The following DPP6 variants were observed in gnomAD, a reference collection of about 807,000 sequenced individuals.
DPP6 encodes dipeptidyl peptidase like 6, also known as A-type potassium channel modulatory protein DPP6.
Under a neutral mutation model 122.6 loss-of-function variants are expected in DPP6, and 69 were observed. The observed-to-expected ratio is 0.56, with a 90% CI of 0.46 to 0.69. The LOEUF (loss-of-function observed/expected upper bound fraction) is 0.69. DPP6 is among the 30% of genes least tolerant of loss of function. The pLI is 0.00. For missense variants in DPP6, 928 were observed against 1,116.9 expected (o/e 0.83, Z 2.41); for synonymous variants, 418 against 433.1 (o/e 0.97, Z 0.43).
At chr7:153,767,559 A>C in the DPP6 span, among the ~76,000 whole-genome samples, 1 of 101,420 alleles carries the variant, frequency 9.9e-6, no homozygotes, top group African/African-American at 3.8e-5. Context: ...TTGTATTTTT[A>C]CTAGAGACAA....
intron 1 of DPP6, among the ~76,000 whole-genome samples, chr7:154,061,935 G>T (rs1347419669): frequency 7.7e-6 from 1 of 130,264 alleles, no homozygotes; most frequent in African/African-American, 2.9e-5. Context: ...CCCCATCGCA[G>T]GAGGGGGAGG....
chr7:154,379,369 G>A (rs1227095442), intron 1 of DPP6, among the ~76,000 whole-genome samples: 2 of 152,074 alleles, frequency 1.3e-5, no homozygotes, highest in African/African-American at 4.8e-5. Flanking sequence ...GTGGTGGGGG[G>A]CTGGGGGAGG....
intron 6 of DPP6, among the ~76,000 whole-genome samples, chr7:154,662,505 G>T (rs1398994535): frequency 2.6e-5 from 1 of 38,900 alleles, no homozygotes; most frequent in Admixed American, 2.8e-4. Flanking sequence ...TCACCATGGC[G>T]TATCGGCCGT....
chr7:154,179,350 G>A (rs1329552682), intron 1 of DPP6, among the ~76,000 whole-genome samples: 1 of 152,176 alleles, frequency 6.6e-6, no homozygotes, highest in East Asian at 1.9e-4. Flanking sequence ...TGCTTTAAGG[G>A]TTGAGTGAAT....
chr7:154,584,164 A>G (rs955029225), intron 5 of DPP6, among the ~76,000 whole-genome samples: 3 of 152,172 alleles, frequency 2.0e-5, no homozygotes, highest in Admixed American at 2.0e-4. Flanking sequence ...AGTGCCAATC[A>G]GGTAACTCAT....
At chr7:154,009,579 C>T (rs376467496) in intron 1 of DPP6, among the ~76,000 whole-genome samples, 1 of 152,094 alleles carries the variant, frequency 6.6e-6, no homozygotes, top group East Asian at 1.9e-4. Flanking sequence ...CACCATGAAA[C>T]TCATGATGTT....
intron 16 of DPP6, among the ~76,000 whole-genome samples, chr7:154,835,320 A>C (rs956009796): frequency 6.6e-6 from 1 of 152,136 alleles, no homozygotes; most frequent in Non-Finnish European, 1.5e-5. Flanking sequence ...GATGGCCCCC[A>C]CCAGAAGCTG....
rs191782003 is a variant in DPP6, at chr7:154,321,240, G to A, written c.244-124974G>A. 2.1e-3 allele frequency among the ~76,000 whole-genome samples: 315 copies of A among 151,330 alleles called. 7 individuals carry two copies. Among genetic ancestry groups the A allele is most frequent in the Non-Finnish European group, 3.7e-4 (25 of 67,912 alleles). ...TGCAGTGAGCTGTGATTGTGCCACT[G>A]TGCTCTAGCCTAGGTGACAGAGCCA... On this transcript the variant is annotated intron_variant, in intron 1 of 25. Coordinates refer to ENST00000377770, the MANE Select transcript of DPP6 (RefSeq NM_130797.4).
intron 5 of DPP6, among the ~76,000 whole-genome samples, chr7:154,571,070 C>T (rs1216835756): frequency 6.6e-6 from 1 of 152,098 alleles, no homozygotes; most frequent in Non-Finnish European, 1.5e-5. Flanking sequence ...TTATTTTATA[C>T]ATAAAATTTC....
intron 1 of DPP6, among the ~76,000 whole-genome samples, chr7:154,254,798 A>G (rs1171694599): frequency 1.3e-5 from 2 of 152,168 alleles, no homozygotes; most frequent in Admixed American, 1.3e-4. Flanking sequence ...TACATGGCCT[A>G]TTTTAATGAT....
intron 5 of DPP6, among the ~76,000 whole-genome samples, chr7:154,569,808 T>G (rs1563869756): frequency 1.3e-5 from 2 of 151,940 alleles, no homozygotes; most frequent in Admixed American, 1.3e-4. Context: ...TTCTCTTTGT[T>G]GCCTGCCCAA....
At chr7:154,425,976 G>A (rs1281768253) in intron 1 of DPP6, among the ~76,000 whole-genome samples, 1 of 152,092 alleles carries the variant, frequency 6.6e-6, no homozygotes, top group Admixed American at 6.6e-5. Context: ...GCACTGGTTG[G>A]CATTAAGTTT....
intron 15 of DPP6, 76 bp from the exon 16 acceptor site, chr7:154,806,918 C>T: frequency 1.3e-6 from 2 of 1,570,164 alleles, no homozygotes; most frequent in South Asian, 1.2e-5. Flanking sequence ...GGGGAGAGCC[C>T]ACCAGCTTGC....
intron 1 of DPP6, among the ~76,000 whole-genome samples, chr7:153,906,070 T>C (rs1471173563): frequency 3.3e-5 from 5 of 152,326 alleles, no homozygotes; most frequent in African/African-American, 9.6e-5. Flanking sequence ...AAAGGGCCTT[T>C]GAGCTCAGCT....
In DPP6 at chr7:154,052,422, G is replaced by A. The variant is rs1328521376; in HGVS notation, c.-399G>A. 5.8e-6 allele frequency: 1 copy of A among 173,398 alleles called. No individual in the cohort carries two copies. Among genetic ancestry groups the A allele is most frequent in the African/African-American group, 2.4e-5 (1 of 41,774 alleles). The allele number at this position is 173,398 out of a possible 1,614,324, so 10.7% of individuals were successfully genotyped here. A position where few individuals can be genotyped will look rare whatever the true frequency, so the allele number is the denominator to read the frequency against. ...CGGAATGTGTGCCGGTCTCTAGGTGGTGCCAAATTCTGGGGCCTAGGCATT... is the reference window on the plus strand; with the variant it reads ...CGGAATGTGTGCCGGTCTCTAGGTGATGCCAAATTCTGGGGCCTAGGCATT... On this transcript the variant is annotated 5_prime_UTR_variant, in exon 1 of 26. The change creates a new upstream start codon in the 5' untranslated region. Transcript: ENST00000377770. The surrounding 1 kb of genome is among the most constrained non-coding windows in gnomAD (Gnocchi z 4.8).
intron 1 of DPP6, among the ~76,000 whole-genome samples, chr7:154,362,437 C>T (rs370762239): frequency 6.6e-4 from 101 of 152,240 alleles, no homozygotes; most frequent in African/African-American, 2.1e-3. Context: ...CTTTTTGAGA[C>T]GGAGTTTCAC....
chr7:154,262,005 A>AAGGGAGGG, intron 1 of DPP6, among the ~76,000 whole-genome samples: 1 of 149,602 alleles, frequency 6.7e-6, no homozygotes, highest in Non-Finnish European at 1.5e-5. Context: ...GGAAGGAAGG[A>AAGGGAGGG]AGGGAGGGAG....
intron 1 of DPP6, among the ~76,000 whole-genome samples, chr7:153,986,521 A>G (rs1366376071): frequency 6.6e-6 from 1 of 152,194 alleles, no homozygotes; most frequent in Non-Finnish European, 1.5e-5. Context: ...TCCTTGCCTC[A>G]GTCCAAACTT....
At chr7:154,673,987 T>A (rs1247537400) in intron 7 of DPP6, among the ~76,000 whole-genome samples, 1 of 152,108 alleles carries the variant, frequency 6.6e-6, no homozygotes, top group Non-Finnish European at 1.5e-5. Flanking sequence ...GCAATTTTCC[T>A]GCCTCAGCCT....
Sources: allele counts gnomAD v4.1 joint callset (sites outside exome capture counted in the v4.1 genomes callset), GRCh38; gene constraint gnomAD v4.1.1; non-coding constraint Gnocchi (gnomAD v3.1); transcripts MANE v1.5; gene names NCBI Gene and HGNC (gene_info 2026-07-23, HGNC 2026-07-21).